Variants in INPP5D observed in about 807,000 individuals in gnomAD.
INPP5D encodes the protein phosphatidylinositol 3,4,5-trisphosphate 5-phosphatase 1.
A neutral mutation model predicts 122.9 loss-of-function variants in INPP5D; 33 were observed. The observed-to-expected ratio is 0.27, with a 90% confidence interval of 0.20 to 0.36. INPP5D has a LOEUF of 0.36. Among genes scored for constraint, INPP5D ranks in the 10% least tolerant of loss-of-function variants. INPP5D has a pLI of 1.00. For synonymous variants in INPP5D, 584 were observed against 576.2 expected, an observed-to-expected ratio of 1.01 and a Z score of -0.19; for missense variants, 1,053 against 1,412.7, an observed-to-expected ratio of 0.75 and a Z score of 4.08.
chr2:233,170,923 A>G lies in INPP5D; in HGVS notation c.1901-141A>G, dbSNP rs1694479101. 6.5e-6 allele frequency: 7 copies of G among 1,071,266 alleles called. No individual in the cohort carries two copies. Among genetic ancestry groups the G allele is most frequent in the Non-Finnish European group, 9.1e-6 (7 of 767,234 alleles). 66.4% of individuals were successfully genotyped at this position (1,071,266 alleles called of 1,614,324 possible). On this transcript the variant is annotated intron_variant, in intron 16 of 26. Coordinates refer to ENST00000445964, the MANE Select transcript of INPP5D (RefSeq NM_001017915.3). This position sits in a 1 kb window ranked among gnomAD's most constrained non-coding sequence, Gnocchi z 4.5. The stretch of plus-strand genomic sequence containing the variant: ...TCCGTCTCAAAAAAAAAAAAAAAAA[A>G]AGCAGCAGCCTCTCCTCTTGGAGCC...
intron 1 of INPP5D, among the ~76,000 whole-genome samples, chr2:233,065,584 T>TTTCC (rs1387356694): frequency 1.3e-4 from 1 of 7,408 alleles, no homozygotes; most frequent in African/African-American, 9.2e-4. Context: ...TCTTTCCTTC[T>TTTCC]TTCTTTCTTT....
rs192196528 is a variant in INPP5D at position 233,204,310 on chromosome 2, G to A, written c.3160G>A (p.Gly1054Ser). 1,252 of 1,612,096 alleles carry A rather than the reference G, an allele frequency of 7.8e-4. 21 individuals carry two copies. The East Asian group carries it at 0.026, about 33-fold the overall frequency. ...GGAACCCCCGCCCTGCCCGGAACCC[G>A]GCATCTTGTCGCCCAGCATCGTGCT... ...RKEPPPCPEPGILSPSIVLTK... is the reference protein window; with the variant it reads ...RKEPPPCPEPSILSPSIVLTK... The change falls in exon 26 of 27, where the codon GGC (glycine) becomes AGC (serine). Residue 1054 changes from glycine (G) to serine (S), a missense_variant. Coordinates refer to ENST00000445964, the MANE Select transcript of INPP5D (RefSeq NM_001017915.3).
intron 2 of INPP5D, among the ~76,000 whole-genome samples, chr2:233,091,763 G>A (rs966218122): frequency 1.3e-5 from 2 of 152,180 alleles, no homozygotes; most frequent in Non-Finnish European, 2.9e-5. Context: ...CTTGGGAGGC[G>A]GAGGCCGTTA....
At chr2:233,138,303 T>TAAAA (rs749510803) in intron 5 of INPP5D, among the ~76,000 whole-genome samples, 4 of 103,646 alleles carry the variant, frequency 3.9e-5, no homozygotes, top group Non-Finnish European at 5.6e-5. Context: ...TAAGATTGTC[T>TAAAA]AAAAAAAAAA....
chr2:233,125,703 G>T (rs771692450), intron 3 of INPP5D, 42 bp from the exon 4 acceptor site: 7 of 1,574,170 alleles, frequency 4.4e-6, no homozygotes, highest in East Asian at 2.3e-5. Flanking sequence ...CGGGTTGTGC[G>T]CACAGTGTCC....
rs1694276666 is a variant in INPP5D at position 233,164,447 on chromosome 2, G to A, written c.1555+23G>A. On this transcript the variant is annotated intron_variant, in intron 13 of 26. Coordinates refer to ENST00000445964, the MANE Select transcript of INPP5D (RefSeq NM_001017915.3). The surrounding 1 kb of genome is among the most constrained non-coding windows in gnomAD (Gnocchi z 4.3). ...TGGGTGAGCAGGGCGGGGACCCTGTGTTCCTCCCACACCCTCTGCCTCAAC... is the reference window on the plus strand; with the variant it reads ...TGGGTGAGCAGGGCGGGGACCCTGTATTCCTCCCACACCCTCTGCCTCAAC... The A allele has an allele frequency of 6.5e-7, 1 of 1,531,280 alleles. No homozygotes were observed. The highest frequency in any genetic ancestry group is 1.4e-5 in the African/African-American group (1 of 72,774). 94.9% of individuals were successfully genotyped at this position (1,531,280 alleles called of 1,614,324 possible). A position where few individuals can be genotyped will look rare whatever the true frequency, so the allele number is the denominator to read the frequency against.
chr2:233,171,484 A>G (rs974950037), intron 17 of INPP5D, among the ~76,000 whole-genome samples: 7 of 152,168 alleles, frequency 4.6e-5, no homozygotes, highest in African/African-American at 1.4e-4. Flanking sequence ...CTGCTGAGTG[A>G]ATTAACATTA....
At chr2:233,124,313 G>T (rs932722083) in intron 3 of INPP5D, among the ~76,000 whole-genome samples, 2 of 152,160 alleles carry the variant, frequency 1.3e-5, no homozygotes, top group Non-Finnish European at 2.9e-5. Context: ...GGGGCTTGCT[G>T]CAGGCATCCT....
chr2:233,126,006 T>G, intron 4 of INPP5D, 87 bp downstream of exon 4: 4 of 1,322,934 alleles, frequency 3.0e-6, no homozygotes, highest in Non-Finnish European at 4.2e-6. Flanking sequence ...TCGATCCTAG[T>G]TATGGGCCTG....
chr2:233,118,624 T>A (rs902696819), intron 2 of INPP5D, among the ~76,000 whole-genome samples: 2 of 152,240 alleles, frequency 1.3e-5, no homozygotes, highest in Non-Finnish European at 2.9e-5. Flanking sequence ...TGCCATCTCC[T>A]GTCTGCACTG....
intron 12 of INPP5D, 68 bp downstream of exon 12, chr2:233,163,971 A>G: frequency 6.4e-7 from 1 of 1,559,704 alleles, no homozygotes; most frequent in Non-Finnish European, 8.7e-7. Context: ...GCTGTCTCAG[A>G]GGCAAGGGTG....
At chr2:233,080,218 C>T (rs1403381140) in intron 2 of INPP5D, among the ~76,000 whole-genome samples, 1 of 152,184 alleles carries the variant, frequency 6.6e-6, no homozygotes. Context: ...GCATGAGCCA[C>T]CCCGCCAGGC....
intron 1 of INPP5D, among the ~76,000 whole-genome samples, chr2:233,075,427 G>A (rs906200914): frequency 2.0e-5 from 3 of 152,202 alleles, no homozygotes; most frequent in Non-Finnish European, 4.4e-5. Flanking sequence ...ATGTTTTCCA[G>A]GTTATGTTCC....
intron 2 of INPP5D, among the ~76,000 whole-genome samples, chr2:233,086,974 G>A (rs1691869046): frequency 1.3e-5 from 2 of 151,950 alleles, no homozygotes; most frequent in South Asian, 2.1e-4. Context: ...AGACATCCTT[G>A]GGCTCAACAT....
At chr2:233,194,488 CTTTTTTTTTTTTTT>C (rs544200839) in intron 23 of INPP5D, among the ~76,000 whole-genome samples, 1 of 88,712 alleles carries the variant, frequency 1.1e-5, no homozygotes, top group Non-Finnish European at 2.1e-5. Context: ...TTCTAAACTG[CTTTTTTTTTTTTTT>C]TTTTTTTTTT....
intron 13 of INPP5D, among the ~76,000 whole-genome samples, chr2:233,167,175 A>G (rs1694363955): frequency 6.8e-6 from 1 of 147,980 alleles, no homozygotes; most frequent in African/African-American, 2.5e-5. Context: ...GTTTGAGACC[A>G]GCCTGGGCAA....
intron 20 of INPP5D, among the ~76,000 whole-genome samples, chr2:233,185,602 A>G (rs1694890512): frequency 6.6e-6 from 1 of 151,332 alleles, no homozygotes; most frequent in African/African-American, 2.4e-5. Context: ...AGGAGGGGGA[A>G]TCTCTTTGAT....
At chr2:233,095,669 C>T (rs1161698069) in intron 2 of INPP5D, among the ~76,000 whole-genome samples, 4 of 150,378 alleles carry the variant, frequency 2.7e-5, no homozygotes, top group Non-Finnish European at 4.4e-5. Context: ...AGCAATCCTC[C>T]CACCTTGGCT....
intron 17 of INPP5D, among the ~76,000 whole-genome samples, chr2:233,171,735 G>A (rs2106303739): frequency 6.6e-6 from 1 of 152,336 alleles, no homozygotes; most frequent in Admixed American, 6.5e-5. Flanking sequence ...CTAGGTGATG[G>A]GAGAGCAAAG....
Sources: allele counts gnomAD v4.1 joint callset (sites outside exome capture counted in the v4.1 genomes callset), GRCh38; gene constraint gnomAD v4.1.1; non-coding constraint Gnocchi (gnomAD v3.1); transcripts MANE v1.5; gene names NCBI Gene and HGNC (gene_info 2026-07-23, HGNC 2026-07-21).